Variants in ADGRB3 observed in about 807,000 individuals in gnomAD.
ADGRB3 encodes the protein brain-specific angiogenesis inhibitor 3.
ADGRB3 carries 37 observed loss-of-function variants against 193.4 expected under a neutral mutation model. The observed-to-expected ratio is 0.19, with a 90% CI of 0.15 to 0.25. ADGRB3 has a LOEUF of 0.25. Among genes scored for constraint, ADGRB3 ranks in the 10% least tolerant of loss-of-function variants. The probability of loss-of-function intolerance (pLI) is 1.00; values close to 1 mark genes in which losing one functional copy is unlikely to be tolerated. For synonymous variants in ADGRB3, 690 were observed against 644.2 expected, an observed-to-expected ratio of 1.07 and a Z score of -1.08; for missense variants, 1,637 against 1,852.9, an observed-to-expected ratio of 0.88 and a Z score of 2.14.
intron 16 of ADGRB3, among the ~76,000 whole-genome samples, 157 bp from the exon 17 acceptor site, chr6:69,075,838 A>G (rs1772213436): frequency 6.6e-6 from 1 of 152,164 alleles, no homozygotes; most frequent in African/African-American, 2.4e-5. Context: ...ATGAGAAACG[A>G]AATGCAAATT....
chr6:69,148,094 A>G (rs1774557277), intron 17 of ADGRB3, among the ~76,000 whole-genome samples: 1 of 152,010 alleles, frequency 6.6e-6, no homozygotes, highest in South Asian at 2.1e-4. Context: ...CAGCCACTCT[A>G]TGTCCTTGAA....
At chr6:68,729,494 G>C (rs1765731668) in intron 3 of ADGRB3, among the ~76,000 whole-genome samples, 1 of 151,556 alleles carries the variant, frequency 6.6e-6, no homozygotes, top group Non-Finnish European at 1.5e-5. Flanking sequence ...GAGTCAGAAT[G>C]ATCAGTATGG....
At chr6:69,346,657 C>T (rs112090865) in intron 26 of ADGRB3, among the ~76,000 whole-genome samples, 45 of 152,262 alleles carry the variant, frequency 3.0e-4, no homozygotes, top group Non-Finnish European at 5.4e-4. Flanking sequence ...AGTGAGATAC[C>T]GTCTCATGCC....
At chr6:69,043,334 G>GAAAGAAAGGAAGGAAGGAAGAAAGAA (rs1554252122) in intron 13 of ADGRB3, among the ~76,000 whole-genome samples, 1 of 110,048 alleles carries the variant, frequency 9.1e-6, no homozygotes, top group Non-Finnish European at 1.9e-5. Flanking sequence ...GAAAGAAAGA[G>GAAAGAAAGGAAGGAAGGAAGAAAGAA]AAAGAAAAGA....
At chr6:68,874,392 G>T (rs952430923) in intron 3 of ADGRB3, among the ~76,000 whole-genome samples, 1 of 151,994 alleles carries the variant, frequency 6.6e-6, no homozygotes, top group Non-Finnish European at 1.5e-5. Context: ...TTTGAATTAT[G>T]GGTTAAGAAT....
At chr6:68,819,761 T>A (rs1218891021) in intron 3 of ADGRB3, among the ~76,000 whole-genome samples, 1 of 152,058 alleles carries the variant, frequency 6.6e-6, no homozygotes, top group Non-Finnish European at 1.5e-5. Context: ...TGTATACAGA[T>A]AAACAAAATA....
intron 30 of ADGRB3, among the ~76,000 whole-genome samples, chr6:69,379,541 G>A (rs1315640443): frequency 6.6e-6 from 1 of 152,030 alleles, no homozygotes; most frequent in Non-Finnish European, 1.5e-5. Flanking sequence ...CTAAGTTGTT[G>A]CCCCAGAATA....
chr6:69,035,262 A>T (rs7770947), intron 13 of ADGRB3, among the ~76,000 whole-genome samples: 18 of 152,030 alleles, frequency 1.2e-4, no homozygotes, highest in African/African-American at 3.9e-4. Flanking sequence ...TATTGCTGCT[A>T]TTGCCCCTTT....
chr6:68,653,727 C>T (rs562854426), intron 3 of ADGRB3, among the ~76,000 whole-genome samples: 2 of 151,990 alleles, frequency 1.3e-5, no homozygotes, highest in South Asian at 4.2e-4. Context: ...TTTGTTGAAC[C>T]ATGATTGTTA....
intron 17 of ADGRB3, among the ~76,000 whole-genome samples, chr6:69,182,474 G>T (rs938446694): frequency 6.6e-6 from 1 of 151,170 alleles, no homozygotes; most frequent in African/African-American, 2.4e-5. Context: ...GAGGAACCTA[G>T]AGCTGCATTG....
chr6:68,692,054 A>G (rs540584117), intron 3 of ADGRB3, among the ~76,000 whole-genome samples: 12 of 151,880 alleles, frequency 7.9e-5, no homozygotes, highest in Non-Finnish European at 1.5e-4. Flanking sequence ...ACTACTGTGC[A>G]CATATATACT....
intron 3 of ADGRB3, among the ~76,000 whole-genome samples, chr6:68,669,058 T>G (rs560283589): frequency 6.6e-6 from 1 of 152,084 alleles, no homozygotes; most frequent in African/African-American, 2.4e-5. Flanking sequence ...ATGTATGTAT[T>G]TATTTTTATA....
chr6:68,972,849 T>A (rs1424831136), intron 8 of ADGRB3, among the ~76,000 whole-genome samples: 5 of 151,986 alleles, frequency 3.3e-5, no homozygotes, highest in Non-Finnish European at 4.4e-5. Flanking sequence ...GGAGAATGGC[T>A]TAAGATGCTG....
At chr6:68,973,625 A>G (rs1012906677) in intron 8 of ADGRB3, among the ~76,000 whole-genome samples, 1 of 152,208 alleles carries the variant, frequency 6.6e-6, no homozygotes, top group African/African-American at 2.4e-5. Context: ...CAAGGTATTT[A>G]TAAAACATAT....
At chr6:69,283,512 A>G (rs1767482563) in intron 20 of ADGRB3, among the ~76,000 whole-genome samples, 1 of 152,118 alleles carries the variant, frequency 6.6e-6, no homozygotes, top group African/African-American at 2.4e-5. Context: ...GGAGTTAGAC[A>G]TTGCTTTGGC....
At chr6:69,108,847 A>G (rs532673051) in intron 17 of ADGRB3, among the ~76,000 whole-genome samples, 2 of 152,316 alleles carry the variant, frequency 1.3e-5, no homozygotes, top group East Asian at 3.9e-4. Flanking sequence ...TGTGAAATGT[A>G]TTGGGCCTCA....
At chr6:69,197,123 TC>T (rs1765317585) in intron 17 of ADGRB3, among the ~76,000 whole-genome samples, 2 of 152,144 alleles carry the variant, frequency 1.3e-5, no homozygotes, top group East Asian at 3.9e-4. Context: ...ACAGTTTCCC[TC>T]GAGGGCAAGA....
At chr6:69,242,965 A>G (rs148299449) in intron 20 of ADGRB3, among the ~76,000 whole-genome samples, 71 of 152,098 alleles carry the variant, frequency 4.7e-4, no homozygotes, top group African/African-American at 1.6e-3. Flanking sequence ...CAGAAAGCAA[A>G]GATTATTTTG....
chr6:69,063,117 T>G, intron 16 of ADGRB3, 81 bp downstream of exon 16: 1 of 1,034,636 alleles, frequency 9.7e-7, no homozygotes, highest in Non-Finnish European at 1.5e-6. Flanking sequence ...AACACCAGAA[T>G]ACATTTTCTA....
Sources: allele counts gnomAD v4.1 joint callset (sites outside exome capture counted in the v4.1 genomes callset), GRCh38; gene constraint gnomAD v4.1.1; transcripts MANE v1.5; gene names NCBI Gene and HGNC (gene_info 2026-07-23, HGNC 2026-07-21).